SV2B: variants seen among roughly 807,000 people sequenced by gnomAD.
SV2B encodes synaptic vesicle glycoprotein 2B.
SV2B carries 41 observed loss-of-function variants against 73.9 expected under a neutral mutation model. The ratio of observed to expected loss-of-function variants is 0.56; its 90% CI spans 0.43 to 0.72. The LOEUF (loss-of-function observed/expected upper bound fraction) is 0.72. Ranked by LOEUF, SV2B falls within the 30% of genes least tolerant of loss-of-function variation. The pLI is 0.00. For missense variants in SV2B, 764 were observed against 857.8 expected (o/e 0.89, Z 1.37); for synonymous variants, 314 against 314.2 (o/e 1.00, Z 0.01).
At chr15:91,246,086 C>CAAAAAA (rs1567386907) in intron 2 of SV2B, among the ~76,000 whole-genome samples, 4 of 151,280 alleles carry the variant, frequency 2.6e-5, no homozygotes, top group African/African-American at 9.7e-5. Flanking sequence ...AAAAAAAATC[C>CAAAAAA]CCCCTTCAAA....
chr15:91,169,997 C>A (rs532650449), intron 1 of SV2B, among the ~76,000 whole-genome samples: 21 of 152,160 alleles, frequency 1.4e-4, no homozygotes, highest in African/African-American at 3.4e-4. Flanking sequence ...GTTGAAGGGG[C>A]CTTAGACACC....
At position 91,245,464 on chromosome 15, in the gene SV2B, C is replaced by T. The variant is rs2047185362; in HGVS notation, c.452-6355C>T. Among the ~76,000 whole-genome samples the T allele has an allele frequency of 6.6e-6, 1 of 152,196 alleles. No individual in the cohort carries two copies. Among genetic ancestry groups the T allele is most frequent in the Admixed American group, 6.5e-5 (1 of 15,272 alleles). ...CAAAAATAAAGCCTGCTGACAACAG[C>T]TGTCTCTGAGTGGTGGTATGATGAA... On this transcript the variant is annotated intron_variant, in intron 2 of 12. Coordinates refer to ENST00000394232, the MANE Select transcript of SV2B (RefSeq NM_001323032.3). This position sits in a 1 kb window ranked among gnomAD's most constrained non-coding sequence, Gnocchi z 4.2.
chr15:91,285,957 A>G (rs2048847340), intron 11 of SV2B, among the ~76,000 whole-genome samples: 2 of 152,214 alleles, frequency 1.3e-5, no homozygotes, highest in South Asian at 2.1e-4. Flanking sequence ...AGCCCTTCGT[A>G]TCATCGTGAA....
At position 91,284,680 on chromosome 15, in the gene SV2B, A is replaced by G. The variant is rs889737490; in HGVS notation, c.1708+459A>G. ...GTCATGTTGAAATCCTATCACCGAA[A>G]GGCTGTTTGACCTTGAATGTGTTCC... On this transcript the variant is annotated intron_variant, in intron 11 of 12. Transcript: ENST00000394232. This position sits in a 1 kb window ranked among gnomAD's most constrained non-coding sequence, Gnocchi z 4.5. 6.6e-6 allele frequency among the ~76,000 whole-genome samples: 1 copy of G among 152,200 alleles called. No homozygotes were observed. The highest frequency in any genetic ancestry group is 2.4e-5 in the African/African-American group (1 of 41,448).
Position 91,284,115 on chromosome 15 carries a change from T to C in SV2B, c.1602T>C (p.Asn534=). ...EGCHMDLEQD[N]DFLIYLVSFL... The stretch of plus-strand genomic sequence containing the variant: ...GCCACATGGACTTGGAGCAAGATAA[T>C]GACTTCCTGATTTACCTCGTCAGCT... Residue 534 remains asparagine (N), a synonymous_variant, in exon 11 of 13, where the codon AAT becomes AAC. Coordinates refer to ENST00000394232, the MANE Select transcript of SV2B (RefSeq NM_001323032.3). The surrounding 1 kb of genome is among the most constrained non-coding windows in gnomAD (Gnocchi z 4.5). 1 of 1,614,206 alleles carries C rather than the reference T, an allele frequency of 6.2e-7. No individual in the cohort carries two copies. Among genetic ancestry groups the C allele is most frequent in the Non-Finnish European group, 8.5e-7 (1 of 1,180,040 alleles).
At chr15:91,260,231 C>A in intron 5 of SV2B, 89 bp from the exon 6 acceptor site, 1 of 1,140,058 alleles carries the variant, frequency 8.8e-7, no homozygotes, top group Non-Finnish European at 1.3e-6. Flanking sequence ...ATCAACATTC[C>A]CATTGAGTTT....
In SV2B at chr15:91,281,663, C is replaced by G. The variant is rs1026038795; in HGVS notation, c.1374-65C>G. 2.0e-6 allele frequency: 3 copies of G among 1,501,576 alleles called. No individual in the cohort carries two copies. Among genetic ancestry groups the G allele is most frequent in the Non-Finnish European group, 2.7e-6 (3 of 1,117,584 alleles). 93.0% of individuals were successfully genotyped at this position (1,501,576 alleles called of 1,614,324 possible). On this transcript the variant is annotated intron_variant, in intron 9 of 12. Coordinates refer to ENST00000394232, the MANE Select transcript of SV2B (RefSeq NM_001323032.3). This position sits in a 1 kb window ranked among gnomAD's most constrained non-coding sequence, Gnocchi z 4.7. ...TCCTTTTTCTGCCTTGCTGTGTTTTCCATTTTGGTCTTAAGTCTCTTTTTT... is the reference window on the plus strand; with the variant it reads ...TCCTTTTTCTGCCTTGCTGTGTTTTGCATTTTGGTCTTAAGTCTCTTTTTT...
rs2042588980 is a variant in SV2B at position 91,129,811 on chromosome 15, C to T, written c.-392+29448C>T. ...CCCTGCCACTTACTAACTGTGTGAC[C>T]GTAAGTATGGTTTTCCTCAGCCTGT... On this transcript the variant is annotated intron_variant, in intron 1 of 12. Transcript: ENST00000394232. This position sits in a 1 kb window ranked among gnomAD's most constrained non-coding sequence, Gnocchi z 5.1. Among the ~76,000 whole-genome samples, 1 of 152,128 alleles carries T rather than the reference C, an allele frequency of 6.6e-6. No homozygotes were observed. The highest frequency in any genetic ancestry group is 2.1e-4 in the South Asian group (1 of 4,828).
At chr15:91,266,776 C>CGGAT (rs2048119269) in intron 7 of SV2B, 84 bp downstream of exon 7, 1 of 1,151,650 alleles carries the variant, frequency 8.7e-7, no homozygotes, top group South Asian at 1.5e-5. Context: ...AGCTCCTGAA[C>CGGAT]ATCCCCACCA....
intron 1 of SV2B, among the ~76,000 whole-genome samples, chr15:91,183,895 G>A (rs7497813): frequency 0.74 from 113,098 of 152,078 alleles, 43,256 homozygotes; most frequent in African/African-American, 0.93. Context: ...TGTTGTCATT[G>A]TCATCTGCTC....
At position 91,268,649 on chromosome 15, in the gene SV2B, C is replaced by T. The variant is rs184708262; in HGVS notation, c.1373+44C>T. On this transcript the variant is annotated intron_variant, in intron 9 of 12. Transcript: ENST00000394232. This position sits in a 1 kb window ranked among gnomAD's most constrained non-coding sequence, Gnocchi z 4.4. ...GCTTCCCTCACATCAGGGTGACAGT[C>T]GTGGGGACTGTTATTGGGAGGGAGC... 138 of 1,587,988 alleles carry T rather than the reference C, an allele frequency of 8.7e-5. No individual in the cohort carries two copies. In the African/African-American group the frequency reaches 1.5e-3, roughly 17 times the overall value.
At chr15:91,278,134 C>T (rs895425856) in intron 9 of SV2B, among the ~76,000 whole-genome samples, 5 of 152,162 alleles carry the variant, frequency 3.3e-5, no homozygotes, top group Non-Finnish European at 5.9e-5. Context: ...GTAAGATGGC[C>T]ATCTCCTAAG....
chr15:91,208,017 G>T (rs1351847028), intron 1 of SV2B, among the ~76,000 whole-genome samples: 1 of 152,186 alleles, frequency 6.6e-6, no homozygotes, highest in Admixed American at 6.5e-5. Flanking sequence ...GCCCACTTCA[G>T]GGGAGAAGGG....
intron 9 of SV2B, among the ~76,000 whole-genome samples, chr15:91,275,922 T>C (rs2048470369): frequency 6.6e-6 from 1 of 152,254 alleles, no homozygotes; most frequent in South Asian, 2.1e-4. Flanking sequence ...ATATTTCTTA[T>C]GCCTGAGGAA....
rs1201053861 is a variant in SV2B at position 91,288,687 on chromosome 15, C to A, written c.1709-834C>A. On this transcript the variant is annotated intron_variant, in intron 11 of 12. Coordinates refer to ENST00000394232, the MANE Select transcript of SV2B (RefSeq NM_001323032.3). This position sits in a 1 kb window ranked among gnomAD's most constrained non-coding sequence, Gnocchi z 5.8. Reference sequence around the variant, plus strand: ...TCCTTCCTTCCTTCTTTTTCTCTTTCTTCTTTTTTTGACAGTGTCTTGCTC... The same window carrying A: ...TCCTTCCTTCCTTCTTTTTCTCTTTATTCTTTTTTTGACAGTGTCTTGCTC... Among the ~76,000 whole-genome samples the A allele has an allele frequency of 2.0e-5, 3 of 148,250 alleles. No individual in the cohort carries two copies. Among genetic ancestry groups the A allele is most frequent in the African/African-American group, 7.5e-5 (3 of 40,134 alleles).
At chr15:91,188,325 T>C (rs2044859183) in intron 1 of SV2B, among the ~76,000 whole-genome samples, 1 of 133,894 alleles carries the variant, frequency 7.5e-6, no homozygotes, top group Admixed American at 7.6e-5. Flanking sequence ...ATTTATTTAT[T>C]TATTTTGAGA....
intron 1 of SV2B, among the ~76,000 whole-genome samples, chr15:91,206,400 A>G (rs565461246): frequency 2.0e-5 from 3 of 152,258 alleles, no homozygotes; most frequent in African/African-American, 7.2e-5. Flanking sequence ...CCATGTATAC[A>G]GCCATGTGTA....
chr15:91,189,592 C>T (rs979803081), intron 1 of SV2B, among the ~76,000 whole-genome samples: 4 of 152,214 alleles, frequency 2.6e-5, no homozygotes, highest in Non-Finnish European at 4.4e-5. Flanking sequence ...ATGTTACCAT[C>T]TCACACATAA....
intron 1 of SV2B, among the ~76,000 whole-genome samples, chr15:91,198,063 C>G (rs1369443170): frequency 1.3e-5 from 2 of 152,038 alleles, no homozygotes; most frequent in African/African-American, 2.4e-5. Context: ...TACACAAAAC[C>G]TATTTGATGA....
Sources: allele counts gnomAD v4.1 joint callset (sites outside exome capture counted in the v4.1 genomes callset), GRCh38; gene constraint gnomAD v4.1.1; non-coding constraint Gnocchi (gnomAD v3.1); transcripts MANE v1.5; gene names NCBI Gene and HGNC (gene_info 2026-07-23, HGNC 2026-07-21).